The following SGCZ variants were observed in gnomAD, a reference collection of about 807,000 sequenced individuals.
SGCZ encodes the protein sarcoglycan zeta, also known as zeta-sarcoglycan.
Under a neutral mutation model 41.3 loss-of-function variants are expected in SGCZ, and 40 were observed. The ratio of observed to expected loss-of-function variants is 0.97; its 90% CI spans 0.75 to 1.26. The LOEUF is 1.26. SGCZ is among the 50% of genes most tolerant of loss of function. SGCZ has a pLI of 0.00. For missense variants in SGCZ, 552 were observed against 369.8 expected, an observed-to-expected ratio of 1.49 and a Z score of -4.04; for synonymous variants, 206 against 137.5, an observed-to-expected ratio of 1.50 and a Z score of -3.49.
chr8:14,466,927 C>T (rs764412490), intron 2 of SGCZ, among the ~76,000 whole-genome samples: 23 of 151,716 alleles, frequency 1.5e-4, no homozygotes, highest in Non-Finnish European at 2.8e-4. Context: ...ATCTTTGTCT[C>T]GTGGATCTGT....
rs10664508 is a variant in SGCZ at position 14,282,848 on chromosome 8, T to TTTTTTG, written c.336+41254_336+41255insCAAAAA. On this transcript the variant is annotated intron_variant, in intron 3 of 7. Coordinates refer to ENST00000382080, the MANE Select transcript of SGCZ (RefSeq NM_139167.4). ...ATTATAATCATTCTCTTTCAAATAC[T>TTTTTTG]TTTTTTTTTTTTTTTTTTTGAGACG... Among the ~76,000 whole-genome samples the TTTTTTG allele has an allele frequency of 1.3e-3, 8 of 6,204 alleles. No individual in the cohort carries two copies. In the East Asian group the frequency reaches 0.17, roughly 135 times the overall value. The allele number at this position is 6,204 out of a possible 152,430, so 4.1% of individuals were successfully genotyped here.
intron 1 of SGCZ, among the ~76,000 whole-genome samples, chr8:14,699,716 A>C (rs1414386719): frequency 6.6e-6 from 1 of 151,984 alleles, no homozygotes; most frequent in Non-Finnish European, 1.5e-5. Flanking sequence ...CAAACTGTGC[A>C]TCCAACAAAG....
chr8:14,823,914 C>G (rs1044817222), intron 1 of SGCZ, among the ~76,000 whole-genome samples: 1 of 152,022 alleles, frequency 6.6e-6, no homozygotes, highest in Non-Finnish European at 1.5e-5. Context: ...GAATTAAATT[C>G]TGTCACTTGC....
At chr8:14,528,415 C>A (rs1262933578) in intron 2 of SGCZ, among the ~76,000 whole-genome samples, 1 of 152,070 alleles carries the variant, frequency 6.6e-6, no homozygotes, top group African/African-American at 2.4e-5. Context: ...CAGATTACTC[C>A]TCTCTTAGTT....
chr8:14,489,353 C>T (rs1416472560), intron 2 of SGCZ, among the ~76,000 whole-genome samples: 1 of 151,848 alleles, frequency 6.6e-6, no homozygotes, highest in Non-Finnish European at 1.5e-5. Flanking sequence ...ATAGGGTCTT[C>T]AAAAAATTAA....
At chr8:15,166,992 T>G (rs1205851063) in intron 1 of SGCZ, among the ~76,000 whole-genome samples, 5 of 150,972 alleles carry the variant, frequency 3.3e-5, no homozygotes, top group Non-Finnish European at 2.9e-5. Flanking sequence ...TGACTTTTGT[T>G]TAGAAAATTG....
chr8:14,751,716 T>C (rs369778323), intron 1 of SGCZ, among the ~76,000 whole-genome samples: 3 of 152,024 alleles, frequency 2.0e-5, no homozygotes, highest in Non-Finnish European at 2.9e-5. Flanking sequence ...GCCCGGCTAA[T>C]TTTTTGTATT....
At chr8:14,971,225 C>A (rs1801285607) in intron 1 of SGCZ, among the ~76,000 whole-genome samples, 1 of 152,032 alleles carries the variant, frequency 6.6e-6, no homozygotes, top group Admixed American at 6.6e-5. Flanking sequence ...TCAGAAGACT[C>A]CTTGTAGAGG....
At chr8:15,141,685 C>G (rs776200471) in intron 1 of SGCZ, among the ~76,000 whole-genome samples, 1 of 152,090 alleles carries the variant, frequency 6.6e-6, no homozygotes, top group Non-Finnish European at 1.5e-5. Flanking sequence ...GGGAGGATCA[C>G]GAGGTCAGGA....
chr8:14,761,645 T>A (rs956246510), intron 1 of SGCZ, among the ~76,000 whole-genome samples: 23 of 151,598 alleles, frequency 1.5e-4, no homozygotes, highest in Admixed American at 2.6e-4. Flanking sequence ...CAATTCAGCT[T>A]CAGGAGATTA....
chr8:14,987,381 T>C (rs887161340), intron 1 of SGCZ, among the ~76,000 whole-genome samples: 1 of 151,950 alleles, frequency 6.6e-6, no homozygotes, highest in Non-Finnish European at 1.5e-5. Flanking sequence ...AGGAAAATAA[T>C]AGGCCTTCTT....
chr8:15,106,750 T>G (rs905740605), intron 1 of SGCZ, among the ~76,000 whole-genome samples: 1 of 152,080 alleles, frequency 6.6e-6, no homozygotes, highest in Admixed American at 6.6e-5. Context: ...TGATTATGAA[T>G]TTAAAAATAC....
intron 1 of SGCZ, among the ~76,000 whole-genome samples, chr8:14,745,016 A>T (rs1799302497): frequency 6.6e-6 from 1 of 152,172 alleles, no homozygotes; most frequent in African/African-American, 2.4e-5. Context: ...CTCTCCAATA[A>T]CAATTTCAAA....
At chr8:14,447,024 TAATTC>T (rs1232204044) in intron 2 of SGCZ, among the ~76,000 whole-genome samples, 1 of 152,160 alleles carries the variant, frequency 6.6e-6, no homozygotes, top group Non-Finnish European at 1.5e-5. Flanking sequence ...CAAAGATGCA[TAATTC>T]ATTTCAGCAG....
intron 5 of SGCZ, among the ~76,000 whole-genome samples, chr8:14,127,185 T>C (rs940707270): frequency 2.0e-5 from 3 of 152,028 alleles, no homozygotes; most frequent in Admixed American, 6.6e-5. Flanking sequence ...AATAAATAAA[T>C]AAATGAGGCT....
chr8:14,391,858 ACT>A (rs1397497867), intron 2 of SGCZ, among the ~76,000 whole-genome samples: 2 of 152,072 alleles, frequency 1.3e-5, no homozygotes, highest in Non-Finnish European at 2.9e-5. Context: ...GAGCTTTGCA[ACT>A]GGTTGTTTTT....
In SGCZ at chr8:14,659,582, G is replaced by C. The variant is rs565165231; in HGVS notation, c.40-104656C>G. Among the ~76,000 whole-genome samples the C allele has an allele frequency of 4.6e-5, 7 of 152,194 alleles. No homozygotes were observed. The South Asian group carries it at 1.5e-3, about 32-fold the overall frequency. On this transcript the variant is annotated intron_variant, in intron 1 of 7. Transcript: ENST00000382080. ...CGTAATGGCAAAGGCTACCTTGAGA[G>C]CCCATTCCAAAATATTCTATTTTCA...
chr8:14,722,986 A>G (rs2130191813), intron 1 of SGCZ, among the ~76,000 whole-genome samples: 1 of 152,354 alleles, frequency 6.6e-6, no homozygotes, highest in East Asian at 1.9e-4. Flanking sequence ...ATTCAAATTC[A>G]AGTCACGCAG....
At chr8:14,866,547 T>C (rs371215587) in intron 1 of SGCZ, among the ~76,000 whole-genome samples, 1 of 152,116 alleles carries the variant, frequency 6.6e-6, no homozygotes, top group Non-Finnish European at 1.5e-5. Context: ...CAGTGACTCA[T>C]GCCTGTAATG....
Sources: allele counts gnomAD v4.1 joint callset (sites outside exome capture counted in the v4.1 genomes callset), GRCh38; gene constraint gnomAD v4.1.1; transcripts MANE v1.5; gene names NCBI Gene and HGNC (gene_info 2026-07-23, HGNC 2026-07-21).